ING3: variants seen among roughly 807,000 people sequenced by gnomAD.
The protein encoded by ING3 is inhibitor of growth protein 3.
Under a neutral mutation model 64.8 loss-of-function variants are expected in ING3, and 6 were observed. The ratio of observed to expected loss-of-function variants is 0.09; its 90% confidence interval spans 0.05 to 0.18. The LOEUF is 0.18. ING3 is among the 10% of genes least tolerant of loss of function. The pLI is 1.00. For synonymous variants in ING3, 170 were observed against 173.7 expected (o/e 0.98, Z 0.17); for missense variants, 310 against 489.7 (o/e 0.63, Z 3.46).
chr7:120,970,964 A>C, intron 10 of ING3, 84 bp downstream of exon 10: 1 of 1,299,812 alleles, frequency 7.7e-7, no homozygotes, highest in Admixed American at 2.1e-5. Context: ...ACTTTTTTAA[A>C]CTCACTTAAA....
chr7:120,953,018 G>A (rs935249033), intron 2 of ING3, among the ~76,000 whole-genome samples: 4 of 152,018 alleles, frequency 2.6e-5, no homozygotes, highest in African/African-American at 9.7e-5. Flanking sequence ...TGACCTAAAG[G>A]CTTTATTGCT....
At chr7:120,956,077 G>T in intron 4 of ING3, 1 of 902,966 alleles carries the variant, frequency 1.1e-6, no homozygotes, top group South Asian at 1.4e-5. Context: ...TGTGAGTGAT[G>T]TTAAAAGATC....
At chr7:120,973,323 TG>T in intron 11 of ING3, 80 bp downstream of exon 11, 1 of 952,674 alleles carries the variant, frequency 1.0e-6, no homozygotes. Context: ...ATTTGCTGTA[TG>T]GTTTGGTCTA....
chr7:120,956,373 T>TA, intron 4 of ING3: 1 of 1,337,394 alleles, frequency 7.5e-7, no homozygotes, highest in East Asian at 3.1e-5. Context: ...ATTTCATACT[T>TA]ATGTTGTCTT....
chr7:120,953,915 G>T (rs761914256), intron 3 of ING3, among the ~76,000 whole-genome samples: 45 of 152,128 alleles, frequency 3.0e-4, no homozygotes, highest in Non-Finnish European at 2.9e-4. Context: ...TTTTATAGTG[G>T]CTATAGCTGT....
At chr7:120,966,868 A>T (rs953367299) in intron 6 of ING3, among the ~76,000 whole-genome samples, 171 bp downstream of exon 6, 1 of 151,734 alleles carries the variant, frequency 6.6e-6, no homozygotes, top group South Asian at 2.1e-4. Context: ...AGCATATGTG[A>T]TTCGGAAATG....
rs1289248286 is a variant in ING3, at chr7:120,976,009, A to G, written c.*1165A>G. On this transcript the variant is annotated 3_prime_UTR_variant, in exon 12 of 12. Coordinates refer to ENST00000315870, the MANE Select transcript of ING3 (RefSeq NM_019071.3). ...AGAGACCCCCCTGGTCGGGAGCTCC[A>G]AATTGAGCTATTTTTGATTCTACCA... The G allele has an allele frequency of 6.6e-6, 1 of 152,200 alleles. No homozygotes were observed. The highest frequency in any genetic ancestry group is 1.5e-5 in the Non-Finnish European group (1 of 68,032). 9.4% of individuals were successfully genotyped at this position (152,200 alleles called of 1,614,324 possible).
In ING3 at chr7:120,970,876, A is replaced by G; in HGVS notation, c.1097A>G (p.Asn366Ser). 1 of 1,571,360 alleles carries G rather than the reference A, an allele frequency of 6.4e-7. No individual in the cohort carries two copies. Among genetic ancestry groups the G allele is most frequent in the Non-Finnish European group, 8.8e-7 (1 of 1,141,018 alleles). ...DPNEPRYCICNQVSYGEMVGC... is the reference protein window; with the variant it reads ...DPNEPRYCICSQVSYGEMVGC... ...AATGAACCTCGATACTGCATTTGTA[A>G]TCAGGTAAAAGTCTGTTATATCTAT... The change falls in exon 10 of 12, where the codon AAT (asparagine) becomes AGT (serine). Residue 366 changes from asparagine (N) to serine (S), a missense_variant. This residue lies in a region of ING3 where 24 missense variants were observed against 84.1 expected (regional missense o/e 0.29). Coordinates refer to ENST00000315870, the MANE Select transcript of ING3 (RefSeq NM_019071.3).
chr7:120,951,009 G>A lies in ING3; in HGVS notation c.28+85G>A. ...GTGGACGGGCAGCGAGATGGCGGGA[G>A]GGAGGGGGCGGCGGGGGATGTTTCT... On this transcript the variant is annotated intron_variant, in intron 1 of 11. Transcript: ENST00000315870. 6 of 1,526,030 alleles carry A rather than the reference G, an allele frequency of 3.9e-6. No individual in the cohort carries two copies. The South Asian group carries it at 4.5e-5, about 11-fold the overall frequency. 94.5% of individuals were successfully genotyped at this position (1,526,030 alleles called of 1,614,324 possible). A position where few individuals can be genotyped will look rare whatever the true frequency, so the allele number is the denominator to read the frequency against.
chr7:120,966,904 TAGA>T (rs1259483275), intron 6 of ING3, among the ~76,000 whole-genome samples: 1 of 152,162 alleles, frequency 6.6e-6, no homozygotes, highest in Non-Finnish European at 1.5e-5. Flanking sequence ...CTTAAATGCG[TAGA>T]AGGAGAATGT....
rs752903008 is a variant in ING3, at chr7:120,970,745, A to G, written c.966A>G (p.Leu322=). The G allele has an allele frequency of 1.9e-6, 3 of 1,613,028 alleles. No homozygotes were observed. The Admixed American group carries it at 5.0e-5, about 27-fold the overall frequency. Residue 322 remains leucine (L), a synonymous_variant, in exon 10 of 12, where the codon TTA becomes TTG. Coordinates refer to ENST00000315870, the MANE Select transcript of ING3 (RefSeq NM_019071.3). The part of the protein sequence containing the change: ...QSSSSSSSSS[L]SSCSSSSTVV... ...CATCTTCCTCCTCCTCTTCTTCCTT[A>G]TCATCGTGTTCTTCATCATCAACTG...
intron 2 of ING3, among the ~76,000 whole-genome samples, chr7:120,952,116 T>A (rs2116645181): frequency 6.6e-6 from 1 of 152,354 alleles, no homozygotes; most frequent in Middle Eastern, 3.4e-3. Context: ...TTCAGTGGAT[T>A]GTGATATGAA....
chr7:120,964,953 C>CATTG, intron 5 of ING3, 115 bp downstream of exon 5: 3 of 756,762 alleles, frequency 4.0e-6, no homozygotes, highest in Middle Eastern at 2.4e-4. Context: ...TGGTGGCATC[C>CATTG]AGGCCAGATA....
chr7:120,956,988 G>A (rs1020286450), intron 4 of ING3: 6 of 369,300 alleles, frequency 1.6e-5, no homozygotes, highest in African/African-American at 8.8e-5. Context: ...ATGTGTGTGT[G>A]TGTATTCATC....
At chr7:120,969,745 A>G (rs958577478) in intron 9 of ING3, among the ~76,000 whole-genome samples, 9 of 152,228 alleles carry the variant, frequency 5.9e-5, no homozygotes, top group African/African-American at 1.9e-4. Flanking sequence ...ATCACTGTCT[A>G]TCCCAGGTAA....
rs1415486288 is a variant in ING3, at chr7:120,974,983, A to G, written c.*139A>G. On this transcript the variant is annotated 3_prime_UTR_variant, in exon 12 of 12. Transcript: ENST00000315870. ...GGATTTACATAGACAATCCTATAAG[A>G]TCTTGAACTTGAATTTTATGGGTTG... 5 of 510,978 alleles carry G rather than the reference A, an allele frequency of 9.8e-6. No homozygotes were observed. In the Admixed American group the frequency reaches 1.1e-4, roughly 11 times the overall value. 31.7% of individuals were successfully genotyped at this position (510,978 alleles called of 1,614,324 possible).
chr7:120,956,820 G>T, intron 4 of ING3: 1 of 973,244 alleles, frequency 1.0e-6, no homozygotes, highest in Non-Finnish European at 1.2e-6. Flanking sequence ...GTATGTATCA[G>T]TCCTTATTTA....
At chr7:120,973,752 G>A (rs575521575) in intron 11 of ING3, among the ~76,000 whole-genome samples, 218 of 152,274 alleles carry the variant, frequency 1.4e-3, no homozygotes, top group Non-Finnish European at 2.8e-3. Flanking sequence ...AATTTGAAAG[G>A]AAGGAATTCT....
intron 7 of ING3, 47 bp from the exon 8 acceptor site, chr7:120,967,887 A>G (rs1160559836): frequency 6.3e-7 from 1 of 1,591,168 alleles, no homozygotes; most frequent in Admixed American, 1.7e-5. Flanking sequence ...ACTCACTAAC[A>G]TTATGTTCTC....
Sources: gnomAD v4.1 joint callset for allele counts (sites outside exome capture counted in the v4.1 genomes callset) on GRCh38, gnomAD v4.1.1 for gene constraint, gnomAD v4.1.1 regional missense constraint, MANE v1.5 for transcripts, NCBI Gene and HGNC (gene_info 2026-07-23, HGNC 2026-07-21) for gene names.